RIC1: variants seen among roughly 807,000 people sequenced by gnomAD.
RIC1 encodes guanine nucleotide exchange factor subunit RIC1.
A neutral mutation model predicts 169.0 loss-of-function variants in RIC1; 88 were observed. That is an observed-to-expected ratio of 0.52 (90% confidence interval 0.44 to 0.62). The LOEUF is 0.62. Among genes scored for constraint, RIC1 ranks in the 20% least tolerant of loss-of-function variants. RIC1 has a pLI of 0.00. For synonymous variants in RIC1, 790 were observed against 601.5 expected (o/e 1.31, Z -4.59); for missense variants, 1,877 against 1,725.5 (o/e 1.09, Z -1.56).
At chr9:5,729,234 G>A (rs932938205) in intron 6 of RIC1, among the ~76,000 whole-genome samples, 1 of 152,130 alleles carries the variant, frequency 6.6e-6, no homozygotes, top group South Asian at 2.1e-4. Context: ...AGGGGTGGGG[G>A]TGTTTTGTTT....
intron 1 of RIC1, among the ~76,000 whole-genome samples, chr9:5,640,621 G>C (rs1007210281): frequency 6.6e-6 from 1 of 152,156 alleles, no homozygotes; most frequent in Admixed American, 6.5e-5. Context: ...TAATTGTGCT[G>C]TGTAAACTAC....
Position 5,759,770 on chromosome 9 carries a change from C to G in RIC1, c.1992+2319C>G, listed in dbSNP as rs1322888692. On this transcript the variant is annotated intron_variant, in intron 17 of 25. Coordinates refer to ENST00000414202, the MANE Select transcript of RIC1 (RefSeq NM_020829.4). ...CATGTCTTAATTGAAAATATTCTGA[C>G]AAAACTGAAAAAAAAATAAGGGATG... 3.3e-5 allele frequency among the ~76,000 whole-genome samples: 5 copies of G among 150,728 alleles called. No individual in the cohort carries two copies. In the South Asian group the frequency reaches 6.3e-4, roughly 19 times the overall value.
intron 2 of RIC1, among the ~76,000 whole-genome samples, chr9:5,673,772 T>G (rs1820269484): frequency 1.3e-5 from 2 of 152,032 alleles, no homozygotes; most frequent in South Asian, 2.1e-4. Context: ...CAATTTTGTG[T>G]GAAAATGATA....
chr9:5,692,522 A>G (rs548323415), intron 3 of RIC1, among the ~76,000 whole-genome samples: 2 of 152,166 alleles, frequency 1.3e-5, no homozygotes, highest in South Asian at 4.1e-4. Flanking sequence ...GCCAGAGTCT[A>G]ACTTCTAGTA....
chr9:5,728,347 G>A lies in RIC1; in HGVS notation c.721-4041G>A, dbSNP rs373174793. 1.7e-4 allele frequency among the ~76,000 whole-genome samples: 26 copies of A among 152,386 alleles called. No homozygotes were observed. In the East Asian group the frequency reaches 1.9e-3, roughly 11 times the overall value. ...GGGCATGGGACCCTCCAAGCCAGGC[G>A]CAGGATATAATCTCCTGGTGTGCTG... is the stretch of plus-strand genomic sequence containing the variant. On this transcript the variant is annotated intron_variant, in intron 6 of 25. Coordinates refer to ENST00000414202, the MANE Select transcript of RIC1 (RefSeq NM_020829.4).
intron 1 of RIC1, among the ~76,000 whole-genome samples, chr9:5,637,330 A>T (rs1818019523): frequency 6.6e-6 from 1 of 152,250 alleles, no homozygotes; most frequent in South Asian, 2.1e-4. Context: ...CGGGCTCCCA[A>T]AGTGCTGGGA....
intron 6 of RIC1, among the ~76,000 whole-genome samples, chr9:5,725,800 C>G (rs1823938098): frequency 6.6e-6 from 1 of 152,054 alleles, no homozygotes; most frequent in South Asian, 2.1e-4. Flanking sequence ...TTATTTCTGC[C>G]TTCATTTCGT....
chr9:5,742,891 T>C lies in RIC1; in HGVS notation c.924T>C (p.Ala308=). Residue 308 remains alanine, a synonymous_variant, in exon 9 of 26, where the codon GCT becomes GCC. Coordinates refer to ENST00000414202, the MANE Select transcript of RIC1 (RefSeq NM_020829.4). ...QYPDIWNKTG[A]VKLMRWSPDN... is the part of the protein sequence containing the mutation. The stretch of plus-strand genomic sequence containing the variant: ...CAGACATTTGGAATAAAACAGGAGC[T>C]GTTAAATTGATGAGATGGTCTCCTG... 1 of 1,612,778 alleles carries C rather than the reference T, an allele frequency of 6.2e-7. No homozygotes were observed. The highest frequency in any genetic ancestry group is 2.2e-5 in the East Asian group (1 of 44,798).
chr9:5,677,357 C>A (rs541275204), intron 2 of RIC1, among the ~76,000 whole-genome samples: 2 of 152,160 alleles, frequency 1.3e-5, no homozygotes, highest in South Asian at 4.2e-4. Flanking sequence ...ATCTTTTGCC[C>A]ATTTTTTTAG....
chr9:5,720,269 G>T lies in RIC1; in HGVS notation c.528G>T (p.Arg176Ser), dbSNP rs1346576356. The T allele has an allele frequency of 6.2e-7, 1 of 1,613,696 alleles. No individual in the cohort carries two copies. The highest frequency in any genetic ancestry group is 2.2e-5 in the East Asian group (1 of 44,862). The change falls in exon 5 of 26, where the codon AGG becomes AGT. Residue 176 changes from arginine to serine, a missense_variant. This residue lies in a region of RIC1 where 1,104 missense variants were observed against 992.0 expected (regional missense o/e 1.11). Transcript: ENST00000414202. ...LIHWEGMTNG[R>S]KAINLCTVPF... ...ACTGGGAAGGAATGACAAATGGAAG[G>T]AAAGCCATTAATCTTTGCACAGTAC...
At chr9:5,718,030 C>T (rs1005798648) in intron 4 of RIC1, among the ~76,000 whole-genome samples, 2 of 150,566 alleles carry the variant, frequency 1.3e-5, no homozygotes, top group African/African-American at 4.9e-5. Context: ...ATCCCAGCTA[C>T]TAGGGAGGCT....
At chr9:5,681,062 G>A (rs1327076858) in intron 2 of RIC1, among the ~76,000 whole-genome samples, 3 of 151,456 alleles carry the variant, frequency 2.0e-5, no homozygotes, top group African/African-American at 4.9e-5. Context: ...TCCTGACCTC[G>A]TGATCCGCCC....
At chr9:5,659,835 A>G (rs1331130467) in intron 2 of RIC1, among the ~76,000 whole-genome samples, 1 of 152,100 alleles carries the variant, frequency 6.6e-6, no homozygotes, top group Non-Finnish European at 1.5e-5. Flanking sequence ...GTAGACATAT[A>G]TCTGATTTTT....
chr9:5,760,076 G>A lies in RIC1; in HGVS notation c.1993-2465G>A, dbSNP rs181728219. On this transcript the variant is annotated intron_variant, in intron 17 of 25. Transcript: ENST00000414202. ...CCATAGAGGGAAGACAAAGAATGCTGGAGCAAAGTAAGTTTTCATTTAATA... is the reference window on the plus strand; with the variant it reads ...CCATAGAGGGAAGACAAAGAATGCTAGAGCAAAGTAAGTTTTCATTTAATA... Among the ~76,000 whole-genome samples, 338 of 152,230 alleles carry A rather than the reference G, an allele frequency of 2.2e-3. 1 individual carries two copies. Among genetic ancestry groups the A allele is most frequent in the African/African-American group, 7.7e-3 (321 of 41,552 alleles).
chr9:5,691,433 G>A (rs907040782), intron 3 of RIC1, among the ~76,000 whole-genome samples: 1 of 151,944 alleles, frequency 6.6e-6, no homozygotes, highest in African/African-American at 2.4e-5. Flanking sequence ...AGTGCTAACT[G>A]AGGTATTCGG....
rs932690952 is a variant in RIC1 at position 5,746,959 on chromosome 9, C to T, written c.1249-343C>T. 1.2e-4 allele frequency among the ~76,000 whole-genome samples: 18 copies of T among 152,194 alleles called. No individual in the cohort carries two copies. The South Asian group carries it at 1.7e-3, about 14-fold the overall frequency. On this transcript the variant is annotated intron_variant, in intron 11 of 25. Transcript: ENST00000414202. ...CATCCCAAATAATAATTTAAAAGCA[C>T]CCTTGAGTTTTATGTCAAGCCAGCA... is the stretch of plus-strand genomic sequence containing the variant.
chr9:5,750,570 A>T (rs1437222859), intron 12 of RIC1, among the ~76,000 whole-genome samples: 1 of 151,946 alleles, frequency 6.6e-6, no homozygotes, highest in Admixed American at 6.5e-5. Flanking sequence ...AGACAAAACT[A>T]ATCTAGGCAG....
At chr9:5,689,496 T>G (rs966974239) in intron 2 of RIC1, among the ~76,000 whole-genome samples, 4 of 152,230 alleles carry the variant, frequency 2.6e-5, no homozygotes, top group African/African-American at 9.6e-5. Flanking sequence ...AGATTGTTTT[T>G]GAAATATATA....
At chr9:5,776,711 G>T (rs138145618), downstream of RIC1, among the ~76,000 whole-genome samples, 1 of 151,840 alleles carries the variant, frequency 6.6e-6, no homozygotes, top group African/African-American at 2.4e-5. Context: ...AGCATCAAGA[G>T]TTCGCAACAT....
Sources: allele counts gnomAD v4.1 joint callset (sites outside exome capture counted in the v4.1 genomes callset), GRCh38; gene constraint gnomAD v4.1.1; regional missense constraint gnomAD v4.1.1; transcripts MANE v1.5; gene names NCBI Gene and HGNC (gene_info 2026-07-23, HGNC 2026-07-21).